QRICH1: variants seen among roughly 807,000 people sequenced by gnomAD.
QRICH1 encodes the protein glutamine rich 1.
Under a neutral mutation model 87.1 loss-of-function variants are expected in QRICH1, and 16 were observed. The ratio of observed to expected loss-of-function variants is 0.18; its 90% CI spans 0.12 to 0.28. The LOEUF (loss-of-function observed/expected upper bound fraction) is 0.28, where lower values mean the gene tolerates loss of function less well. QRICH1 is among the 10% of genes least tolerant of loss of function. The pLI, the probability that QRICH1 is intolerant of heterozygous loss-of-function variation, is 1.00. For missense variants in QRICH1, 647 were observed against 951.7 expected (o/e 0.68, Z 4.21); for synonymous variants, 367 against 368.4 (o/e 1.00, Z 0.05).
intron 1 of QRICH1, among the ~76,000 whole-genome samples, chr3:49,079,130 G>A (rs2042009173): frequency 6.6e-6 from 1 of 151,994 alleles, no homozygotes; most frequent in African/African-American, 2.4e-5. Context: ...AGCTACTACG[G>A]AGGCTAAGGT....
chr3:49,046,101 G>A (rs2093337879), intron 5 of QRICH1, among the ~76,000 whole-genome samples: 1 of 151,376 alleles, frequency 6.6e-6, no homozygotes, highest in Non-Finnish European at 1.5e-5. Context: ...ATTTTTAGTG[G>A]ATGGGGTTTC....
At chr3:49,032,328 A>AG in intron 8 of QRICH1, 55 bp from the exon 9 acceptor site, 2 of 1,391,114 alleles carry the variant, frequency 1.4e-6, no homozygotes, top group South Asian at 2.3e-5. Flanking sequence ...GCCTTACCTC[A>AG]GGCCCAGATC....
In QRICH1 at chr3:49,076,971, C is replaced by T. The variant is rs1309984300; in HGVS notation, c.47G>A (p.Arg16Gln). The change falls in exon 2 of 10, where the codon CGA (arginine) becomes CAA (glutamine). Residue 16 changes from arginine to glutamine, a missense_variant. Arg to Gln is a conservative substitution (Grantham distance 43). Transcript: ENST00000395443. The part of the protein sequence containing the change: ...ENTISFEEYI[R>Q]VKARSVPQHR... ...TTGCGGGACAGACCGTGCCTTTACTCGGATGTACTCTTCAAAGGAGATGGT... is the reference window on the plus strand; with the variant it reads ...TTGCGGGACAGACCGTGCCTTTACTTGGATGTACTCTTCAAAGGAGATGGT... 6 of 1,571,846 alleles carry T rather than the reference C, an allele frequency of 3.8e-6. No homozygotes were observed. Among genetic ancestry groups the T allele is most frequent in the South Asian group, 1.2e-5 (1 of 86,030 alleles).
intron 3 of QRICH1, among the ~76,000 whole-genome samples, chr3:49,054,808 G>A (rs1302527811): frequency 2.0e-5 from 3 of 152,002 alleles, no homozygotes; most frequent in Admixed American, 6.6e-5. Flanking sequence ...AGGCTGAGGC[G>A]GGAGGATTTT....
At chr3:49,090,445 C>T (rs1432670130) in intron 1 of QRICH1, among the ~76,000 whole-genome samples, 63 of 117,002 alleles carry the variant, frequency 5.4e-4, no homozygotes, top group African/African-American at 2.0e-3. Flanking sequence ...GGCAGCAGAG[C>T]GAGACTACGT....
At chr3:49,091,540 C>T (rs755768145) in intron 1 of QRICH1, among the ~76,000 whole-genome samples, 4 of 152,194 alleles carry the variant, frequency 2.6e-5, no homozygotes, top group Non-Finnish European at 4.4e-5. Flanking sequence ...AATTAAACCA[C>T]TATTTGATCT....
intron 1 of QRICH1, among the ~76,000 whole-genome samples, chr3:49,080,064 TC>T (rs910540655): frequency 7.4e-5 from 11 of 149,256 alleles, no homozygotes; most frequent in Admixed American, 3.4e-4. Flanking sequence ...ATAATAGAGA[TC>T]CGGTAACATT....
intron 2 of QRICH1, among the ~76,000 whole-genome samples, chr3:49,068,502 G>A (rs190365863): frequency 6.6e-5 from 10 of 150,848 alleles, no homozygotes; most frequent in Non-Finnish European, 1.5e-4. Flanking sequence ...CGTAGTAGCT[G>A]TAGTCCAAGC....
At position 49,076,939 on chromosome 3, in the gene QRICH1, T is replaced by A; in HGVS notation, c.79A>T (p.Met27Leu). ...VKARSVPQHR[M>L]KEFLDSLASK... The stretch of plus-strand genomic sequence containing the variant: ...GCCAGTGAGTCCAGAAATTCCTTCA[T>A]CCTGTGTTGCGGGACAGACCGTGCC... Residue 27 changes from methionine (M) to leucine (L), a missense_variant, in exon 2 of 10, where the codon ATG becomes TTG. Coordinates refer to ENST00000395443, the MANE Select transcript of QRICH1 (RefSeq NM_198880.3). 6.2e-7 allele frequency: 1 copy of A among 1,611,358 alleles called. No individual in the cohort carries two copies. Among genetic ancestry groups the A allele is most frequent in the Non-Finnish European group, 8.5e-7 (1 of 1,178,308 alleles).
At chr3:49,047,272 T>C in intron 3 of QRICH1, 26 bp from the exon 4 acceptor site, 2 of 1,588,322 alleles carry the variant, frequency 1.3e-6, no homozygotes, top group Non-Finnish European at 1.7e-6. Context: ...CATGAAAATG[T>C]GTCAATATTG....
intron 2 of QRICH1, among the ~76,000 whole-genome samples, chr3:49,060,545 G>T (rs2093428805): frequency 6.6e-6 from 1 of 151,548 alleles, no homozygotes. Flanking sequence ...GGCCAGGCTG[G>T]TCCAAAACTC....
Position 49,032,472 on chromosome 3 carries a change from G to C in QRICH1, c.2047+150C>G, listed in dbSNP as rs992999904. 18 of 1,105,762 alleles carry C rather than the reference G, an allele frequency of 1.6e-5. No homozygotes were observed. In the African/African-American group the frequency reaches 2.7e-4, roughly 17 times the overall value. The allele number at this position is 1,105,762 out of a possible 1,614,324, so 68.5% of individuals were successfully genotyped here. On this transcript the variant is annotated intron_variant, in intron 8 of 9. Transcript: ENST00000395443. Reference sequence around the variant, plus strand: ...GGGCTTCTCTGCTTCTAGGAGGAAAGTTTGGAATTTTTGGCTGGGGAGAAG... The same window carrying C: ...GGGCTTCTCTGCTTCTAGGAGGAAACTTTGGAATTTTTGGCTGGGGAGAAG...
intron 6 of QRICH1, among the ~76,000 whole-genome samples, chr3:49,036,148 T>C (rs1186468616): frequency 1.3e-5 from 2 of 152,242 alleles, no homozygotes; most frequent in Admixed American, 6.5e-5. Context: ...CCAGGGCTCC[T>C]AGCATGGAAG....
chr3:49,074,681 A>G (rs2041912908), intron 2 of QRICH1, among the ~76,000 whole-genome samples: 1 of 152,082 alleles, frequency 6.6e-6, no homozygotes, highest in Non-Finnish European at 1.5e-5. Flanking sequence ...TCTCCACAGC[A>G]AAGATCAAAT....
intron 1 of QRICH1, among the ~76,000 whole-genome samples, chr3:49,087,357 G>A (rs370929982): frequency 6.6e-6 from 1 of 152,006 alleles, no homozygotes. Flanking sequence ...TTTGAGACCA[G>A]CCTAGCTAAT....
chr3:49,055,832 C>T (rs1559936523), intron 3 of QRICH1, among the ~76,000 whole-genome samples: 1 of 151,954 alleles, frequency 6.6e-6, no homozygotes, highest in Admixed American at 6.6e-5. Flanking sequence ...GTGTGTGCCA[C>T]CACACCCGGC....
chr3:49,065,943 A>G (rs1421915676), intron 2 of QRICH1, among the ~76,000 whole-genome samples: 1 of 152,098 alleles, frequency 6.6e-6, no homozygotes, highest in Non-Finnish European at 1.5e-5. Context: ...TTGGCCTCCC[A>G]AAGTGCTGGG....
rs57557768 is a variant in QRICH1, at chr3:49,061,134, TAAAAAAAAAAAAAA to T, written c.310-3258_310-3245del. Among the ~76,000 whole-genome samples the T allele has an allele frequency of 5.0e-4, 20 of 39,746 alleles. No individual in the cohort carries two copies. The East Asian group carries it at 0.014, about 27-fold the overall frequency. 26.1% of individuals were successfully genotyped at this position (39,746 alleles called of 152,430 possible). On this transcript the variant is annotated intron_variant, in intron 2 of 9. Transcript: ENST00000395443. ...TGGGTGACAGAGTGAGCCTCCATCT[TAAAAAAAAAAAAAA>T]AAAAAAAAAAAAAAAAAAATCTAAC...
rs781640008 is a variant in QRICH1, at chr3:49,076,677, A to G, written c.309+32T>C. 6.8e-6 allele frequency: 10 copies of G among 1,468,474 alleles called. No individual in the cohort carries two copies. The South Asian group carries it at 9.1e-5, about 13-fold the overall frequency. 91.0% of individuals were successfully genotyped at this position (1,468,474 alleles called of 1,614,324 possible). ...ACACTGACAACAAATAAAGTACATT[A>G]AACAGGCTGCACCTCAGCATTTCCC... On this transcript the variant is annotated intron_variant, in intron 2 of 9. Coordinates refer to ENST00000395443, the MANE Select transcript of QRICH1 (RefSeq NM_198880.3).
Sources: gnomAD v4.1 joint callset for allele counts (sites outside exome capture counted in the v4.1 genomes callset) on GRCh38, gnomAD v4.1.1 for gene constraint, MANE v1.5 for transcripts, NCBI Gene and HGNC (gene_info 2026-07-23, HGNC 2026-07-21) for gene names.